Variants in ADAM10 observed in about 807,000 individuals in gnomAD.
ADAM10 encodes ADAM metallopeptidase domain 10.
In ADAM10, 17 loss-of-function variants were observed where a neutral mutation model predicts 90.1. The ratio of observed to expected loss-of-function variants is 0.19; its 90% CI spans 0.13 to 0.28. The LOEUF (loss-of-function observed/expected upper bound fraction) is 0.28, where lower values mean the gene tolerates loss of function less well. ADAM10 is among the 10% of genes least tolerant of loss of function. The pLI, the probability that ADAM10 is intolerant of heterozygous loss-of-function variation, is 1.00. For missense variants in ADAM10, 610 were observed against 914.3 expected, an observed-to-expected ratio of 0.67 and a Z score of 4.29; for synonymous variants, 310 against 298.6, an observed-to-expected ratio of 1.04 and a Z score of -0.40.
At chr15:58,633,518 C>G (rs1256165257) in intron 8 of ADAM10, among the ~76,000 whole-genome samples, 159 bp from the exon 9 acceptor site, 1 of 152,146 alleles carries the variant, frequency 6.6e-6, no homozygotes, top group African/African-American at 2.4e-5. Context: ...TGGTCCAAGA[C>G]TAAGAAGTCA....
At chr15:58,607,919 A>G (rs925560547) in intron 14 of ADAM10, among the ~76,000 whole-genome samples, 3 of 152,070 alleles carry the variant, frequency 2.0e-5, no homozygotes, top group Non-Finnish European at 4.4e-5. Context: ...TCAATCCCTA[A>G]TTAAAGAAAA....
chr15:58,741,261 T>G (rs780964293), intron 1 of ADAM10, among the ~76,000 whole-genome samples: 4 of 152,212 alleles, frequency 2.6e-5, no homozygotes, highest in Non-Finnish European at 5.9e-5. Flanking sequence ...CAGAAGTTCA[T>G]AGTTCACATG....
chr15:58,697,033 C>A (rs536120736), intron 2 of ADAM10, among the ~76,000 whole-genome samples: 145 of 152,286 alleles, frequency 9.5e-4, no homozygotes, highest in African/African-American at 3.4e-3. Context: ...AAAGTGTAAA[C>A]CACTGGCAGC....
At chr15:58,694,035 G>C (rs1371643193) in intron 2 of ADAM10, among the ~76,000 whole-genome samples, 1 of 152,162 alleles carries the variant, frequency 6.6e-6, no homozygotes, top group Non-Finnish European at 1.5e-5. Context: ...CCCTTTGCTA[G>C]AATAACATCT....
intron 9 of ADAM10, among the ~76,000 whole-genome samples, chr15:58,631,010 G>C (rs189500624): frequency 7.2e-5 from 11 of 152,098 alleles, no homozygotes; most frequent in East Asian, 5.8e-4. Context: ...CTTAGTTTCT[G>C]CAAGAGCTGG....
Position 58,682,185 on chromosome 15 carries a change from G to T in ADAM10, c.325+11C>A. On this transcript the variant is annotated intron_variant, in intron 3 of 15. Transcript: ENST00000260408. Reference sequence around the variant, plus strand: ...AATGGAAGAAAAGGGTTCTGTTAAGGTCCAACTTACCATAAATATGTCCAG... The same window carrying T: ...AATGGAAGAAAAGGGTTCTGTTAAGTTCCAACTTACCATAAATATGTCCAG... The T allele has an allele frequency of 6.2e-7, 1 of 1,610,992 alleles. No individual in the cohort carries two copies. The highest frequency in any genetic ancestry group is 1.1e-5 in the South Asian group (1 of 90,782).
At chr15:58,716,113 A>G (rs1367568748) in intron 2 of ADAM10, among the ~76,000 whole-genome samples, 2 of 152,228 alleles carry the variant, frequency 1.3e-5, no homozygotes, top group African/African-American at 4.8e-5. Context: ...AACAATAATC[A>G]TTACTTTTGT....
At chr15:58,610,687 T>C in intron 13 of ADAM10, 170 bp from the exon 14 acceptor site, 2 of 716,284 alleles carry the variant, frequency 2.8e-6, no homozygotes, top group Non-Finnish European at 4.9e-6. Flanking sequence ...TAATTCATAT[T>C]AAATGTTACA....
chr15:58,706,764 A>G (rs1427515171), intron 2 of ADAM10, among the ~76,000 whole-genome samples: 1 of 152,134 alleles, frequency 6.6e-6, no homozygotes, highest in African/African-American at 2.4e-5. Flanking sequence ...TAATTCCAGA[A>G]CTTTGGGAGG....
chr15:58,743,756 C>CA (rs1480295687), intron 1 of ADAM10, among the ~76,000 whole-genome samples: 4 of 152,244 alleles, frequency 2.6e-5, no homozygotes, highest in Non-Finnish European at 4.4e-5. Flanking sequence ...AGGCGCCTGC[C>CA]ACCACACCAA....
chr15:58,644,596 C>T (rs754917947), intron 6 of ADAM10, among the ~76,000 whole-genome samples: 1 of 152,140 alleles, frequency 6.6e-6, no homozygotes, highest in Non-Finnish European at 1.5e-5. Flanking sequence ...CAACGTCACA[C>T]GTCCATTCCT....
At chr15:58,685,059 G>A (rs1441015831) in intron 2 of ADAM10, among the ~76,000 whole-genome samples, 2 of 150,220 alleles carry the variant, frequency 1.3e-5, no homozygotes, top group South Asian at 2.1e-4. Flanking sequence ...GTACATAATC[G>A]TATTTATGGG....
At position 58,599,119 on chromosome 15, in the gene ADAM10, G is replaced by A. The variant is rs544837940; in HGVS notation, c.2152+479C>T. Among the ~76,000 whole-genome samples the A allele has an allele frequency of 6.4e-4, 82 of 128,672 alleles. 1 individual carries two copies. In the South Asian group the frequency reaches 0.022, roughly 34 times the overall value. The allele number at this position is 128,672 out of a possible 152,430, so 84.4% of individuals were successfully genotyped here. ...TGGGGAGGATTGCTTGAGCTCAGGA[G>A]TAAGTCCAGCCTGGGCAACACAGTG... On this transcript the variant is annotated intron_variant, in intron 15 of 15. Transcript: ENST00000260408.
At chr15:58,740,458 T>A (rs1899574033) in intron 1 of ADAM10, among the ~76,000 whole-genome samples, 1 of 151,688 alleles carries the variant, frequency 6.6e-6, no homozygotes, top group African/African-American at 2.4e-5. Context: ...ATAGAAAAAA[T>A]ATGGTATAAA....
chr15:58,644,702 A>C (rs751652399), intron 6 of ADAM10, among the ~76,000 whole-genome samples: 54 of 152,198 alleles, frequency 3.5e-4, no homozygotes, highest in Non-Finnish European at 7.3e-4. Context: ...GGCTCAGGAC[A>C]CACAGTCATT....
chr15:58,651,127 T>C (rs2140705167), intron 5 of ADAM10, among the ~76,000 whole-genome samples: 1 of 152,236 alleles, frequency 6.6e-6, no homozygotes, highest in African/African-American at 2.4e-5. Context: ...ATTTTGTGAA[T>C]ACATAGGTAT....
intron 4 of ADAM10, among the ~76,000 whole-genome samples, chr15:58,670,810 T>C (rs1897174565): frequency 6.6e-6 from 1 of 152,170 alleles, no homozygotes; most frequent in Admixed American, 6.5e-5. Flanking sequence ...AAAAATATTT[T>C]TATTTTTACT....
chr15:58,597,638 G>C lies in ADAM10; in HGVS notation c.2156C>G (p.Thr719Ser), dbSNP rs1894995079. 6.2e-7 allele frequency: 1 copy of C among 1,613,972 alleles called. No individual in the cohort carries two copies. The highest frequency in any genetic ancestry group is 8.5e-7 in the Non-Finnish European group (1 of 1,179,984). Residue 719 changes from threonine (T) to serine (S), a missense_variant, in exon 16 of 16, where the codon ACT becomes AGT. By Grantham distance (58) the Thr-to-Ser change is moderately conservative. Coordinates refer to ENST00000260408, the MANE Select transcript of ADAM10 (RefSeq NM_001110.4). Reference protein sequence around the residue: ...KLPPPKPLPGTLKRRRPPQPI... With the variant: ...KLPPPKPLPGSLKRRRPPQPI... ...CTGTGGAGGTCTCCTCCTCTTTAAA[G>C]TGCCTGTGAGCCACAAATAAAAGCA...
At chr15:58,685,160 T>TAAAAAAA (rs140613738) in intron 2 of ADAM10, among the ~76,000 whole-genome samples, 2 of 119,118 alleles carry the variant, frequency 1.7e-5, no homozygotes, top group African/African-American at 3.0e-5. Flanking sequence ...TTATATTAAG[T>TAAAAAAA]AAAAAAAAAA....
Sources: gnomAD v4.1 joint callset for allele counts (sites outside exome capture counted in the v4.1 genomes callset) on GRCh38, gnomAD v4.1.1 for gene constraint, MANE v1.5 for transcripts, NCBI Gene and HGNC (gene_info 2026-07-23, HGNC 2026-07-21) for gene names.